The following PTPRT variants were observed in gnomAD, a reference collection of about 807,000 sequenced individuals.
PTPRT encodes the protein protein tyrosine phosphatase receptor type T, also known as receptor-type tyrosine-protein phosphatase T.
PTPRT carries 56 observed loss-of-function variants against 176.8 expected under a neutral mutation model. The observed-to-expected ratio is 0.32, with a 90% CI of 0.26 to 0.40. The LOEUF is 0.40. Among genes scored for constraint, PTPRT ranks in the 10% least tolerant of loss-of-function variants. The pLI is 1.00. For synonymous variants in PTPRT, 783 were observed against 739.0 expected (o/e 1.06, Z -0.96); for missense variants, 1,540 against 1,908.2 (o/e 0.81, Z 3.60).
intron 7 of PTPRT, among the ~76,000 whole-genome samples, chr20:42,559,864 C>T (rs1242939341): frequency 5.3e-5 from 8 of 152,178 alleles, no homozygotes; most frequent in Non-Finnish European, 7.4e-5. Context: ...TTAATTCTTA[C>T]GTTCTCATCC....
chr20:42,579,248 T>C (rs2073326626), intron 7 of PTPRT, among the ~76,000 whole-genome samples: 1 of 152,152 alleles, frequency 6.6e-6, no homozygotes, highest in African/African-American at 2.4e-5. Context: ...TCATCATTTT[T>C]TATGACTGCA....
At position 42,633,991 on chromosome 20, in the gene PTPRT, T is replaced by A. The variant is rs1242700928; in HGVS notation, c.1153+43875A>T. On this transcript the variant is annotated intron_variant, in intron 7 of 30. Coordinates refer to ENST00000373187, the MANE Select transcript of PTPRT (RefSeq NM_007050.6). The stretch of plus-strand genomic sequence containing the variant: ...TATTATAATATATTATATATTATAT[T>A]ATATATATTATATATATATAATATA... Among the ~76,000 whole-genome samples, 109 of 23,476 alleles carry A rather than the reference T, an allele frequency of 4.6e-3. 10 individuals carry two copies. The highest frequency in any genetic ancestry group is 0.023 in the African/African-American group (107 of 4,648). 15.4% of individuals were successfully genotyped at this position (23,476 alleles called of 152,430 possible). A position where few individuals can be genotyped will look rare whatever the true frequency, so the allele number is the denominator to read the frequency against.
chr20:42,929,304 T>C (rs905786226), intron 1 of PTPRT, among the ~76,000 whole-genome samples: 1 of 152,248 alleles, frequency 6.6e-6, no homozygotes, highest in African/African-American at 2.4e-5. Flanking sequence ...TATCAATAAT[T>C]TAGAGTTCCA....
intron 9 of PTPRT, among the ~76,000 whole-genome samples, chr20:42,398,874 T>G (rs143164662): frequency 6.6e-5 from 10 of 152,250 alleles, no homozygotes; most frequent in Non-Finnish European, 1.0e-4. Flanking sequence ...GTCATTCAAG[T>G]AGCCATAGTC....
intron 1 of PTPRT, among the ~76,000 whole-genome samples, chr20:43,086,561 G>C (rs2011610113): frequency 6.6e-6 from 1 of 152,184 alleles, no homozygotes; most frequent in Non-Finnish European, 1.5e-5. Context: ...CTCAGTAATA[G>C]GGAGTCATCC....
intron 13 of PTPRT, among the ~76,000 whole-genome samples, chr20:42,256,433 T>C (rs1271205576): frequency 6.6e-6 from 1 of 152,032 alleles, no homozygotes; most frequent in Non-Finnish European, 1.5e-5. Context: ...AGGACTGAAA[T>C]TGTAGCAAAC....
At chr20:42,918,216 G>T (rs1317172349) in intron 1 of PTPRT, among the ~76,000 whole-genome samples, 4 of 152,114 alleles carry the variant, frequency 2.6e-5, no homozygotes, top group Non-Finnish European at 4.4e-5. Context: ...CAGTGGGTGG[G>T]TAAGTCAGGG....
chr20:42,967,459 C>T (rs889933655), intron 1 of PTPRT, among the ~76,000 whole-genome samples: 7 of 152,024 alleles, frequency 4.6e-5, no homozygotes, highest in East Asian at 1.9e-4. Flanking sequence ...GGCAATGATG[C>T]GGCCACAAAG....
chr20:42,089,331 TA>T (rs567699063), intron 27 of PTPRT, among the ~76,000 whole-genome samples: 2 of 151,906 alleles, frequency 1.3e-5, no homozygotes, highest in East Asian at 1.9e-4. Flanking sequence ...AACTGCCCAT[TA>T]AAAAAAATAA....
chr20:42,308,307 T>C (rs73120089), intron 12 of PTPRT, among the ~76,000 whole-genome samples: 1,831 of 152,202 alleles, frequency 0.012, 43 homozygotes, highest in African/African-American at 0.042. Context: ...TCTTGGGGTC[T>C]GGATCCGGAC....
chr20:42,875,858 T>C (rs1236582980), intron 2 of PTPRT, among the ~76,000 whole-genome samples: 3 of 152,160 alleles, frequency 2.0e-5, no homozygotes, highest in Non-Finnish European at 4.4e-5. Context: ...AAGTTTTCTG[T>C]GCCTAGGTTT....
chr20:42,834,884 C>A (rs1248972082), intron 2 of PTPRT, among the ~76,000 whole-genome samples: 3 of 152,098 alleles, frequency 2.0e-5, no homozygotes, highest in African/African-American at 7.2e-5. Context: ...TATAGCCTAC[C>A]AGAACTTTAT....
intron 13 of PTPRT, among the ~76,000 whole-genome samples, chr20:42,272,225 T>C (rs2056948455): frequency 6.6e-6 from 1 of 152,200 alleles, no homozygotes; most frequent in African/African-American, 2.4e-5. Flanking sequence ...CAAAGTTTTA[T>C]TGGAACACAG....
intron 11 of PTPRT, among the ~76,000 whole-genome samples, chr20:42,336,938 C>G (rs535540900): frequency 2.0e-5 from 3 of 152,100 alleles, no homozygotes; most frequent in Non-Finnish European, 4.4e-5. Context: ...TGTAGTATAT[C>G]TCTACTCTAG....
chr20:42,827,666 G>A (rs147825962), intron 2 of PTPRT, among the ~76,000 whole-genome samples: 1 of 152,158 alleles, frequency 6.6e-6, no homozygotes, highest in Non-Finnish European at 1.5e-5. Context: ...TGTCATGGGA[G>A]GGACCTGGTG....
At chr20:42,140,305 G>A (rs1213795574) in intron 18 of PTPRT, among the ~76,000 whole-genome samples, 2 of 152,096 alleles carry the variant, frequency 1.3e-5, no homozygotes, top group Admixed American at 1.3e-4. Context: ...TTGGTGAGAT[G>A]TCAAAAGGTC....
At chr20:42,527,165 G>A (rs893722196) in intron 7 of PTPRT, among the ~76,000 whole-genome samples, 5 of 151,636 alleles carry the variant, frequency 3.3e-5, no homozygotes, top group Non-Finnish European at 5.9e-5. Context: ...GGGTTTCACC[G>A]TGTTAGCCAG....
chr20:42,577,345 T>C (rs2073278376), intron 7 of PTPRT, among the ~76,000 whole-genome samples: 1 of 152,070 alleles, frequency 6.6e-6, no homozygotes, highest in South Asian at 2.1e-4. Context: ...TGAGCAAACC[T>C]GGTGGGAGGG....
At chr20:42,651,905 G>A (rs1326969909) in intron 7 of PTPRT, among the ~76,000 whole-genome samples, 1 of 152,002 alleles carries the variant, frequency 6.6e-6, no homozygotes, top group Non-Finnish European at 1.5e-5. Flanking sequence ...AAAATTAGCT[G>A]GGCTTGGTGG....
Sources: gnomAD v4.1 joint callset for allele counts (sites outside exome capture counted in the v4.1 genomes callset) on GRCh38, gnomAD v4.1.1 for gene constraint, MANE v1.5 for transcripts, NCBI Gene and HGNC (gene_info 2026-07-23, HGNC 2026-07-21) for gene names.